RBL2: variants seen among roughly 807,000 people sequenced by gnomAD.
RBL2 encodes RB transcriptional corepressor like 2.
A neutral mutation model predicts 126.0 loss-of-function variants in RBL2; 56 were observed. That is an observed-to-expected ratio of 0.44 (90% CI 0.36 to 0.56). The LOEUF (loss-of-function observed/expected upper bound fraction) is 0.56, where lower values mean the gene tolerates loss of function less well. Ranked by LOEUF, RBL2 falls within the 20% of genes least tolerant of loss-of-function variation. The probability of loss-of-function intolerance (pLI) is 0.00; values close to 1 mark genes in which losing one functional copy is unlikely to be tolerated. For synonymous variants in RBL2, 454 were observed against 478.5 expected (o/e 0.95, Z 0.67); for missense variants, 1,229 against 1,398.2 (o/e 0.88, Z 1.93).
chr16:53,467,790 T>C (rs1445083508), intron 14 of RBL2, among the ~76,000 whole-genome samples: 1 of 152,232 alleles, frequency 6.6e-6, no homozygotes, highest in Non-Finnish European at 1.5e-5. Flanking sequence ...AGATCATTGT[T>C]GGGTGATAGA....
At chr16:53,464,934 C>T in intron 12 of RBL2, 7 of 152,710 alleles carry the variant, frequency 4.6e-5, no homozygotes, top group Non-Finnish European at 8.8e-5. Context: ...GCTGGGACTA[C>T]AGGCGGCCGC....
intron 1 of RBL2, among the ~76,000 whole-genome samples, chr16:53,436,459 C>T (rs959188015): frequency 6.6e-6 from 1 of 152,152 alleles, no homozygotes; most frequent in Non-Finnish European, 1.5e-5. Context: ...ATGATTTACT[C>T]AGTAAAATAT....
intron 3 of RBL2, among the ~76,000 whole-genome samples, chr16:53,446,660 G>C (rs1194639554): frequency 6.6e-6 from 1 of 152,044 alleles, no homozygotes; most frequent in Non-Finnish European, 1.5e-5. Flanking sequence ...GAGGGATACA[G>C]GTCATTAGCT....
Position 53,434,565 on chromosome 16 carries a change from G to T in RBL2, c.9G>T (p.Ser3=). 1.3e-6 allele frequency: 2 copies of T among 1,521,326 alleles called. No homozygotes were observed. Among genetic ancestry groups the T allele is most frequent in the Middle Eastern group, 2.3e-4 (1 of 4,276 alleles). The allele number at this position is 1,521,326 out of a possible 1,614,324, so 94.2% of individuals were successfully genotyped here. A position where few individuals can be genotyped will look rare whatever the true frequency, so the allele number is the denominator to read the frequency against. ...CCGCCCAGGGGTGCGCTATGCCGTC[G>T]GGAGGTGACCAGTCGCCACCGCCCC... is the stretch of plus-strand genomic sequence containing the variant. The part of the protein sequence containing the change: MP[S]GGDQSPPPPP... The change falls in exon 1 of 22, where the codon TCG becomes TCT. Residue 3 remains serine (S), a synonymous_variant. Transcript: ENST00000262133.
intron 16 of RBL2, 38 bp downstream of exon 16, chr16:53,470,701 G>C: frequency 6.2e-7 from 1 of 1,612,440 alleles, no homozygotes; most frequent in African/African-American, 1.3e-5. Flanking sequence ...ATGAGCTTGG[G>C]AAATACAAGT....
chr16:53,447,412 A>G (rs939450433), intron 4 of RBL2, among the ~76,000 whole-genome samples: 8 of 152,148 alleles, frequency 5.3e-5, no homozygotes, highest in African/African-American at 1.9e-4. Flanking sequence ...ATATGCTTGT[A>G]TTGTGAACTC....
At chr16:53,434,926 C>A (rs548895153) in intron 1 of RBL2, 130 bp downstream of exon 1, 3 of 1,330,448 alleles carry the variant, frequency 2.3e-6, no homozygotes, top group East Asian at 2.9e-5. Flanking sequence ...GTGGGGACTT[C>A]CTCTGCGCTA....
chr16:53,467,770 C>G (rs1156743988), intron 14 of RBL2, among the ~76,000 whole-genome samples: 4 of 152,308 alleles, frequency 2.6e-5, no homozygotes, highest in African/African-American at 9.6e-5. Flanking sequence ...ATGGAAAAAC[C>G]AAACTGTTAA....
chr16:53,467,398 T>C (rs575772846), intron 14 of RBL2, among the ~76,000 whole-genome samples: 2 of 152,272 alleles, frequency 1.3e-5, no homozygotes, highest in East Asian at 3.9e-4. Flanking sequence ...TTTATTTATT[T>C]ATTTATTGAG....
intron 19 of RBL2, chr16:53,480,217 A>C: frequency 1.9e-6 from 1 of 537,752 alleles, no homozygotes; most frequent in African/African-American, 1.9e-5. Context: ...TTCAGGGAGG[A>C]ATCTGCTTGC....
At chr16:53,484,240 T>A (rs1010585072) in intron 21 of RBL2, among the ~76,000 whole-genome samples, 3 of 151,608 alleles carry the variant, frequency 2.0e-5, no homozygotes, top group Admixed American at 1.3e-4. Context: ...ATTAACAGAG[T>A]TAAATGGAAA....
intron 17 of RBL2, among the ~76,000 whole-genome samples, chr16:53,472,875 G>A (rs1350169404): frequency 6.6e-6 from 1 of 152,098 alleles, no homozygotes; most frequent in Non-Finnish European, 1.5e-5. Context: ...TAATTTTTGT[G>A]TATGGTATGA....
chr16:53,486,408 T>G (rs1232579786), intron 21 of RBL2, among the ~76,000 whole-genome samples: 1 of 152,212 alleles, frequency 6.6e-6, no homozygotes, highest in Non-Finnish European at 1.5e-5. Flanking sequence ...CTGTATCTAC[T>G]AAAGAAATTA....
At position 53,442,873 on chromosome 16, in the gene RBL2, T is replaced by C; in HGVS notation, c.572+15T>C. On this transcript the variant is annotated intron_variant, in intron 3 of 21. Coordinates refer to ENST00000262133, the MANE Select transcript of RBL2 (RefSeq NM_005611.4). ...AGGAAACAGCGGTAGGTTTTCTTGT[T>C]GGTTCATCAGGAATACACGTTAGTC... 11 of 1,595,644 alleles carry C rather than the reference T, an allele frequency of 6.9e-6. No individual in the cohort carries two copies. The highest frequency in any genetic ancestry group is 9.4e-6 in the Non-Finnish European group (11 of 1,165,824).
At position 53,470,050 on chromosome 16, in the gene RBL2, G is replaced by C; in HGVS notation, c.2110G>C (p.Val704Leu). ...TPGRMPPQPLVNAVPVQNVSG... is the reference protein window; with the variant it reads ...TPGRMPPQPLLNAVPVQNVSG... ...TGGGCGCATGCCCCCACAGCCCCTA[G>C]TCAATGCTGTCCCTGTGCAGAATGT... The change falls in exon 15 of 22, where the codon GTC becomes CTC. Residue 704 changes from valine (V) to leucine (L), a missense_variant. Coordinates refer to ENST00000262133, the MANE Select transcript of RBL2 (RefSeq NM_005611.4). The C allele has an allele frequency of 6.2e-7, 1 of 1,614,238 alleles. No homozygotes were observed. The highest frequency in any genetic ancestry group is 8.5e-7 in the Non-Finnish European group (1 of 1,180,030).
intron 11 of RBL2, among the ~76,000 whole-genome samples, chr16:53,463,537 G>T (rs1035750297): frequency 1.3e-5 from 2 of 148,586 alleles, no homozygotes; most frequent in African/African-American, 2.5e-5. Flanking sequence ...CCACCTGCCT[G>T]GCCCCTTTCA....
chr16:53,481,684 C>T lies in RBL2; in HGVS notation c.3098C>T (p.Pro1033Leu). Reference protein sequence around the residue: ...KYSQANMDAPPLSPYPFVRTG... With the variant: ...KYSQANMDAPLLSPYPFVRTG... Reference sequence around the variant, plus strand: ...TTTTTTAAACAGATGGATGCTCCTCCACTCTCTCCCTATCCATTTGTAAGA... The same window carrying T: ...TTTTTTAAACAGATGGATGCTCCTCTACTCTCTCCCTATCCATTTGTAAGA... The change falls in exon 21 of 22, where the codon CCA becomes CTA. Residue 1033 changes from proline to leucine, a missense_variant. Coordinates refer to ENST00000262133, the MANE Select transcript of RBL2 (RefSeq NM_005611.4). The T allele has an allele frequency of 1.2e-6, 2 of 1,609,660 alleles. No homozygotes were observed. The highest frequency in any genetic ancestry group is 4.5e-5 in the East Asian group (2 of 44,782).
intron 18 of RBL2, 109 bp from the exon 19 acceptor site, chr16:53,479,777 T>C (rs2150824061): frequency 1.5e-6 from 1 of 669,988 alleles, no homozygotes; most frequent in East Asian, 2.7e-5. Flanking sequence ...AGGACAACTA[T>C]TGCTATACAG....
intron 17 of RBL2, among the ~76,000 whole-genome samples, chr16:53,474,296 AATTCTTTTATTT>A (rs1236066621): frequency 1.6e-5 from 2 of 128,982 alleles, no homozygotes; most frequent in Non-Finnish European, 3.2e-5. Context: ...CGGCTGCTGT[AATTCTTTTATTT>A]ATTTATTTAT....
Sources: gnomAD v4.1 joint callset for allele counts (sites outside exome capture counted in the v4.1 genomes callset) on GRCh38, gnomAD v4.1.1 for gene constraint, MANE v1.5 for transcripts, NCBI Gene and HGNC (gene_info 2026-07-23, HGNC 2026-07-21) for gene names.